PDE4D: variants seen among roughly 807,000 people sequenced by gnomAD.
PDE4D encodes the protein 3',5'-cyclic-AMP phosphodiesterase 4D.
In PDE4D, 24 loss-of-function variants were observed where a neutral mutation model predicts 87.4. The observed-to-expected ratio is 0.27, with a 90% confidence interval of 0.20 to 0.39. PDE4D has a LOEUF of 0.39. PDE4D is among the 10% of genes least tolerant of loss of function. The probability of loss-of-function intolerance (pLI) is 1.00; values close to 1 mark genes in which losing one functional copy is unlikely to be tolerated. For missense variants in PDE4D, 714 were observed against 1,041.0 expected, an observed-to-expected ratio of 0.69 and a Z score of 4.32; for synonymous variants, 384 against 383.2, an observed-to-expected ratio of 1.00 and a Z score of -0.02.
chr5:59,073,105 A>G (rs1482096838), intron 5 of PDE4D, among the ~76,000 whole-genome samples: 6 of 152,238 alleles, frequency 3.9e-5, no homozygotes, highest in Non-Finnish European at 7.3e-5. Flanking sequence ...TTAATTCAAC[A>G]AACTTTATTG....
intron 1 of PDE4D, among the ~76,000 whole-genome samples, chr5:59,593,982 G>A (rs531704267): frequency 6.6e-6 from 1 of 152,074 alleles, no homozygotes; most frequent in Non-Finnish European, 1.5e-5. Context: ...GTTAATCAGA[G>A]CCTAACCTGC....
intron 1 of PDE4D, among the ~76,000 whole-genome samples, chr5:59,390,984 A>G (rs1458811585): frequency 6.6e-6 from 1 of 152,172 alleles, no homozygotes; most frequent in Non-Finnish European, 1.5e-5. Context: ...GAGTGTTAGA[A>G]TTATGGTGCT....
chr5:59,916,995 G>A, intron 3 of PDE4D, among the ~76,000 whole-genome samples: 1 of 138,686 alleles, frequency 7.2e-6, no homozygotes, highest in African/African-American at 2.8e-5. Context: ...GTAGAGAGGG[G>A]GTTTCATCAT....
chr5:59,594,390 G>C (rs1314563625), intron 1 of PDE4D, among the ~76,000 whole-genome samples: 1 of 151,478 alleles, frequency 6.6e-6, no homozygotes, highest in Non-Finnish European at 1.5e-5. Flanking sequence ...GCACAATCTT[G>C]GCTCACTGCA....
chr5:60,318,308 C>T (rs562316072), intron 1 of PDE4D, among the ~76,000 whole-genome samples: 1 of 152,162 alleles, frequency 6.6e-6, no homozygotes, highest in Non-Finnish European at 1.5e-5. Context: ...GATTGCAACC[C>T]CTGCCTTTTT....
chr5:59,285,704 C>G (rs557833918), intron 1 of PDE4D, among the ~76,000 whole-genome samples: 1 of 152,260 alleles, frequency 6.6e-6, no homozygotes, highest in East Asian at 1.9e-4. Context: ...TCAACCCAGA[C>G]AGAGTATTTG....
intron 2 of PDE4D, among the ~76,000 whole-genome samples, chr5:60,133,355 G>T (rs923915073): frequency 6.6e-6 from 1 of 151,790 alleles, no homozygotes; most frequent in Non-Finnish European, 1.5e-5. Flanking sequence ...TTTAGACGGG[G>T]TCTCGTTCTG....
At chr5:59,328,511 C>A (rs2153575539) in intron 1 of PDE4D, among the ~76,000 whole-genome samples, 1 of 152,230 alleles carries the variant, frequency 6.6e-6, no homozygotes, top group East Asian at 1.9e-4. Flanking sequence ...GGAAGTGTCA[C>A]AAGTGTATGT....
At chr5:59,388,774 T>G (rs1787637690) in intron 1 of PDE4D, among the ~76,000 whole-genome samples, 1 of 152,048 alleles carries the variant, frequency 6.6e-6, no homozygotes, top group Non-Finnish European at 1.5e-5. Flanking sequence ...GAACCTAATA[T>G]TAAATATTTA....
chr5:60,185,866 A>C (rs1784735968), intron 1 of PDE4D, among the ~76,000 whole-genome samples: 1 of 152,072 alleles, frequency 6.6e-6, no homozygotes, highest in Non-Finnish European at 1.5e-5. Flanking sequence ...AGCTTTTGTT[A>C]AATGTAAGTT....
chr5:59,970,428 A>G (rs1241738761), intron 3 of PDE4D, among the ~76,000 whole-genome samples: 4 of 152,128 alleles, frequency 2.6e-5, no homozygotes, highest in Non-Finnish European at 5.9e-5. Context: ...GCAACCTACA[A>G]AATGGGAGAA....
At chr5:59,904,437 T>G (rs1251163256) in intron 3 of PDE4D, among the ~76,000 whole-genome samples, 3 of 152,166 alleles carry the variant, frequency 2.0e-5, no homozygotes, top group African/African-American at 7.2e-5. Flanking sequence ...CATCCAAGTT[T>G]AAATTCATTA....
At chr5:59,422,745 C>G (rs987473605) in intron 1 of PDE4D, among the ~76,000 whole-genome samples, 1 of 152,184 alleles carries the variant, frequency 6.6e-6, no homozygotes, top group East Asian at 1.9e-4. Context: ...TAACAATTCT[C>G]ATTCCACTCC....
In PDE4D at chr5:59,893,338, G is replaced by T; in HGVS notation, c.285C>A (p.Tyr95Ter). 2 of 1,481,988 alleles carry T rather than the reference G, an allele frequency of 1.3e-6. No homozygotes were observed. The allele number at this position is 1,481,988 out of a possible 1,614,324, so 91.8% of individuals were successfully genotyped here. A position where few individuals can be genotyped will look rare whatever the true frequency, so the allele number is the denominator to read the frequency against. Residue 95 changes from tyrosine to a stop codon, truncating the protein, a stop_gained, in exon 1 of 15, where the codon TAC becomes TAA. Transcript: ENST00000340635. LOFTEE classifies it high-confidence loss of function. ...PPPPGAARGR[Y>*]ASSGATGRVR... Reference sequence around the variant, plus strand: ...CGCGGCCGGTGGCCCCGCTCGAGGCGTAGCGGCCGCGGGCAGCCCCGGGCG... The same window carrying T: ...CGCGGCCGGTGGCCCCGCTCGAGGCTTAGCGGCCGCGGGCAGCCCCGGGCG...
chr5:59,048,631 C>T (rs1761081350), intron 5 of PDE4D, among the ~76,000 whole-genome samples: 3 of 152,180 alleles, frequency 2.0e-5, no homozygotes, highest in African/African-American at 7.2e-5. Flanking sequence ...TCCTGGAATT[C>T]TGTGAGTTTA....
chr5:59,828,967 A>T (rs1361111135), intron 1 of PDE4D, among the ~76,000 whole-genome samples: 1 of 152,100 alleles, frequency 6.6e-6, no homozygotes, highest in Non-Finnish European at 1.5e-5. Context: ...AGGGAAAAAA[A>T]TACTGGAAAA....
Position 60,083,442 on chromosome 5 carries a change from G to A in PDE4D, c.43-94725C>T, listed in dbSNP as rs568781966. Among the ~76,000 whole-genome samples the A allele has an allele frequency of 5.3e-5, 8 of 152,252 alleles. No individual in the cohort carries two copies. The South Asian group carries it at 1.2e-3, about 24-fold the overall frequency. ...GTGAAAAGCAAAAGAAGCCACTCAC[G>A]ATTTTAATAATGTAAAACTCTACAA... On this transcript the variant is annotated intron_variant, in intron 2 of 16. Transcript: ENST00000502484.
chr5:59,491,565 G>C (rs1309378635), intron 1 of PDE4D, among the ~76,000 whole-genome samples: 2 of 152,128 alleles, frequency 1.3e-5, no homozygotes, highest in Admixed American at 6.6e-5. Context: ...TAGTCTCATT[G>C]TGAATAGTAA....
At chr5:59,694,262 T>C (rs1751418903) in intron 1 of PDE4D, among the ~76,000 whole-genome samples, 1 of 152,168 alleles carries the variant, frequency 6.6e-6, no homozygotes, top group South Asian at 2.1e-4. Flanking sequence ...TATTCCTCTA[T>C]AAAGTAAGTG....
Sources: allele counts gnomAD v4.1 joint callset (sites outside exome capture counted in the v4.1 genomes callset), GRCh38; gene constraint gnomAD v4.1.1; transcripts MANE v1.5; gene names NCBI Gene and HGNC (gene_info 2026-07-23, HGNC 2026-07-21).